GLE1: variants seen among roughly 807,000 people sequenced by gnomAD.
GLE1 encodes the protein GLE1 RNA export mediator.
A neutral mutation model predicts 97.3 loss-of-function variants in GLE1; 78 were observed. The ratio of observed to expected loss-of-function variants is 0.80; its 90% CI spans 0.67 to 0.97. GLE1 has a LOEUF of 0.97. Among genes scored for constraint, GLE1 ranks in the 50% least tolerant of loss-of-function variants. The pLI is 0.00. For missense variants in GLE1, 753 were observed against 857.5 expected, an observed-to-expected ratio of 0.88 and a Z score of 1.52; for synonymous variants, 302 against 313.4, an observed-to-expected ratio of 0.96 and a Z score of 0.39.
At chr9:128,522,525 C>T (rs1847179119) in intron 3 of GLE1, 143 bp from the exon 4 acceptor site, 2 of 821,060 alleles carry the variant, frequency 2.4e-6, no homozygotes, top group Admixed American at 2.8e-5. Context: ...TGGTGGCAGG[C>T]ACCTGTAGTC....
intron 1 of GLE1, 149 bp downstream of exon 1, chr9:128,505,053 C>A: frequency 1.5e-6 from 1 of 663,392 alleles, no homozygotes; most frequent in Non-Finnish European, 2.8e-6. Flanking sequence ...ATCCCTCTGT[C>A]CTGGGGTTTC....
At chr9:128,539,100 G>A (rs962697893) in intron 13 of GLE1, among the ~76,000 whole-genome samples, 1 of 152,118 alleles carries the variant, frequency 6.6e-6, no homozygotes, top group African/African-American at 2.4e-5. Context: ...AAAATTAGTG[G>A]TGTGTGCCTG....
At chr9:128,528,119 C>T (rs955342986) in intron 9 of GLE1, among the ~76,000 whole-genome samples, 7 of 150,578 alleles carry the variant, frequency 4.6e-5, no homozygotes, top group African/African-American at 7.3e-5. Context: ...ATTCTCCTCC[C>T]TCAGCCTTCT....
chr9:128,534,685 A>C (rs1379266430), intron 11 of GLE1, among the ~76,000 whole-genome samples: 4 of 151,780 alleles, frequency 2.6e-5, no homozygotes, highest in Non-Finnish European at 4.4e-5. Context: ...CTACAGATGT[A>C]ATAATATGTA....
intron 2 of GLE1, among the ~76,000 whole-genome samples, chr9:128,512,807 G>A (rs146631633): frequency 3.9e-5 from 6 of 152,078 alleles, no homozygotes; most frequent in Non-Finnish European, 5.9e-5. Flanking sequence ...TTACAGGCAC[G>A]CGCCACCATG....
At chr9:128,534,872 C>A (rs1264345096) in intron 11 of GLE1, among the ~76,000 whole-genome samples, 2 of 151,828 alleles carry the variant, frequency 1.3e-5, no homozygotes, top group Non-Finnish European at 2.9e-5. Flanking sequence ...GCGCCCACCA[C>A]CACGCCCAGC....
At chr9:128,539,778 G>C (rs554472890) in intron 14 of GLE1, 80 bp downstream of exon 14, 14 of 1,609,802 alleles carry the variant, frequency 8.7e-6, no homozygotes, top group East Asian at 6.7e-5. Context: ...GCTATTACCT[G>C]CTGGTTTTGA....
Position 128,541,376 on chromosome 9 carries a change from G to A in GLE1, c.*206G>A, listed in dbSNP as rs1381333160. ...CTTAGTAGATTTGGTAGTTCCTTAA[G>A]AGATCCACGTGATAAAATAAATGGA... On this transcript the variant is annotated 3_prime_UTR_variant, in exon 16 of 16. Transcript: ENST00000309971. The A allele has an allele frequency of 8.5e-6, 5 of 590,042 alleles. No individual in the cohort carries two copies. The highest frequency in any genetic ancestry group is 8.5e-5 in the East Asian group (3 of 35,470). The allele number at this position is 590,042 out of a possible 1,614,324, so 36.6% of individuals were successfully genotyped here. A position where few individuals can be genotyped will look rare whatever the true frequency, so the allele number is the denominator to read the frequency against.
chr9:128,514,359 A>G (rs1846915682), intron 2 of GLE1, among the ~76,000 whole-genome samples: 1 of 148,468 alleles, frequency 6.7e-6, no homozygotes. Context: ...AAAAAAAAAA[A>G]CTTAGAAAAG....
At chr9:128,509,173 TGACCATACCCTAGGG>T in intron 2 of GLE1, 76 bp downstream of exon 2, 1 of 868,370 alleles carries the variant, frequency 1.2e-6, no homozygotes, top group South Asian at 1.3e-5. Context: ...CATATGACAG[TGACCATACCCTAGGG>T]GAAATAATGA....
chr9:128,537,879 G>A, intron 12 of GLE1, 107 bp from the exon 13 acceptor site: 1 of 727,778 alleles, frequency 1.4e-6, no homozygotes, highest in Admixed American at 2.0e-5. Context: ...TGCTAGGGCT[G>A]GATGATCTGG....
At chr9:128,508,184 A>AGATAAGTAAAT (rs1589040269) in intron 1 of GLE1, among the ~76,000 whole-genome samples, 4 of 150,972 alleles carry the variant, frequency 2.6e-5, no homozygotes, top group Admixed American at 6.6e-5. Flanking sequence ...CCATCTCAAA[A>AGATAAGTAAAT]AAAAAAAAAA....
In GLE1 at chr9:128,536,468, A is replaced by G; in HGVS notation, c.1760A>G (p.Tyr587Cys). 1 of 1,613,878 alleles carries G rather than the reference A, an allele frequency of 6.2e-7. No individual in the cohort carries two copies. Reference protein sequence around the residue: ...YAAIIQLRWPYGNRQEIHPHG... With the variant: ...YAAIIQLRWPCGNRQEIHPHG... Reference sequence around the variant, plus strand: ...GCTATCATCCAGCTCCGGTGGCCATATGGAAACCGACAGGAGGTAGGTAAA... The same window carrying G: ...GCTATCATCCAGCTCCGGTGGCCATGTGGAAACCGACAGGAGGTAGGTAAA... Residue 587 changes from tyrosine to cysteine, a missense_variant, in exon 12 of 16, where the codon TAT becomes TGT. Tyr to Cys is a radical substitution (Grantham distance 194). Transcript: ENST00000309971.
At chr9:128,526,936 C>T (rs902602535) in intron 7 of GLE1, among the ~76,000 whole-genome samples, 3 of 152,106 alleles carry the variant, frequency 2.0e-5, no homozygotes, top group Non-Finnish European at 2.9e-5. Flanking sequence ...TAATTATAGG[C>T]GTGGGTCACC....
intron 2 of GLE1, among the ~76,000 whole-genome samples, chr9:128,511,769 A>G (rs148891852): frequency 8.7e-4 from 132 of 151,920 alleles, no homozygotes; most frequent in Non-Finnish European, 1.1e-3. Context: ...TAAGCCTTTT[A>G]GAACTAAAAC....
intron 7 of GLE1, 88 bp from the exon 8 acceptor site, chr9:128,527,091 A>G (rs1847321329): frequency 2.7e-6 from 2 of 753,610 alleles, no homozygotes; most frequent in Non-Finnish European, 4.8e-6. Context: ...CAGTCAGTAC[A>G]TACATAAAGT....
intron 9 of GLE1, among the ~76,000 whole-genome samples, chr9:128,529,871 G>A (rs1847434416): frequency 6.6e-6 from 1 of 152,050 alleles, no homozygotes; most frequent in South Asian, 2.1e-4. Flanking sequence ...CCACCTCCCG[G>A]GTTCACGCCA....
chr9:128,510,630 G>T (rs140127204), intron 2 of GLE1, among the ~76,000 whole-genome samples: 1 of 149,388 alleles, frequency 6.7e-6, no homozygotes, highest in Non-Finnish European at 1.5e-5. Context: ...CTGGGTTCAC[G>T]CGGTTCTTCT....
intron 4 of GLE1, 30 bp downstream of exon 4, chr9:128,522,846 G>A (rs1183185521): frequency 6.2e-7 from 1 of 1,610,898 alleles, no homozygotes; most frequent in South Asian, 1.1e-5. Flanking sequence ...GACTGGGAAT[G>A]TTGATGTGTT....
Sources: allele counts gnomAD v4.1 joint callset (sites outside exome capture counted in the v4.1 genomes callset), GRCh38; gene constraint gnomAD v4.1.1; transcripts MANE v1.5; gene names NCBI Gene and HGNC (gene_info 2026-07-23, HGNC 2026-07-21).